N4BP2L2: variants seen among roughly 807,000 people sequenced by gnomAD.
N4BP2L2 encodes NEDD4 binding protein 2 like 2.
N4BP2L2 carries 50 observed loss-of-function variants against 56.2 expected under a neutral mutation model. The observed-to-expected ratio is 0.89, with a 90% CI of 0.71 to 1.13. N4BP2L2 has a LOEUF of 1.13. Among genes scored for constraint, N4BP2L2 ranks in the 50% most tolerant of loss-of-function variants. N4BP2L2 has a pLI of 0.00. For missense variants in N4BP2L2, 689 were observed against 693.8 expected (o/e 0.99, Z 0.08); for synonymous variants, 203 against 223.6 (o/e 0.91, Z 0.82).
chr13:32,535,956 C>T, exon 2 of N4BP2L2: 1 of 1,614,098 alleles, frequency 6.2e-7, no homozygotes, highest in Non-Finnish European at 8.5e-7. Context: ...ACATATCGAT[C>T]TTGCATACTG....
chr13:32,462,028 T>C (rs1445024608), intron 6 of N4BP2L2, among the ~76,000 whole-genome samples: 1 of 152,222 alleles, frequency 6.6e-6, no homozygotes, highest in East Asian at 1.9e-4. Context: ...TTGAAAACCG[T>C]ATAAATATTT....
chr13:32,485,622 G>A (rs1201878000), intron 6 of N4BP2L2, among the ~76,000 whole-genome samples: 1 of 152,090 alleles, frequency 6.6e-6, no homozygotes, highest in Non-Finnish European at 1.5e-5. Flanking sequence ...GGAAAGCAAG[G>A]TTAGTTTAAC....
chr13:32,459,704 G>T (rs753395612), intron 6 of N4BP2L2, among the ~76,000 whole-genome samples: 1 of 152,004 alleles, frequency 6.6e-6, no homozygotes, highest in Non-Finnish European at 1.5e-5. Context: ...AACTTATAAC[G>T]AACATCCTAT....
In N4BP2L2 at chr13:32,443,217, G is replaced by A. The variant is rs767692633; in HGVS notation, c.1275C>T (p.Asp425=). 9 of 1,613,120 alleles carry A rather than the reference G, an allele frequency of 5.6e-6. No homozygotes were observed. The East Asian group carries it at 1.8e-4, about 32-fold the overall frequency. Residue 425 remains aspartate, a synonymous_variant, in exon 7 of 10, where the codon GAC becomes GAT. Coordinates refer to the N4BP2L2 transcript ENST00000357505. ...AATCTTCATTTCCTATCAGTAGTTT[G>A]TCTGTCAATATTTCTGGATTGTTTC...
intron 6 of N4BP2L2, among the ~76,000 whole-genome samples, chr13:32,482,881 C>A (rs931865848): frequency 2.0e-5 from 3 of 152,214 alleles, no homozygotes; most frequent in Admixed American, 6.5e-5. Flanking sequence ...TTTCATATGA[C>A]AATATTACCT....
rs571991192 is a variant in N4BP2L2 at position 32,447,306 on chromosome 13, C to T, written c.366-3180G>A. On this transcript the variant is annotated intron_variant, in intron 6 of 9. Transcript: ENST00000357505. ...GAGCAGGATCTCTCTCCCTAATCTG[C>T]CCTCATGTCAAGACTCCATATGAGC... is the stretch of plus-strand genomic sequence containing the variant. 3.9e-5 allele frequency among the ~76,000 whole-genome samples: 6 copies of T among 152,234 alleles called. No homozygotes were observed. The South Asian group carries it at 1.2e-3, about 32-fold the overall frequency.
In N4BP2L2 at chr13:32,483,383, C is replaced by T. The variant is rs140909265; in HGVS notation, c.365+34474G>A. 4.0e-3 allele frequency among the ~76,000 whole-genome samples: 608 copies of T among 152,296 alleles called. 6 individuals carry two copies. Among genetic ancestry groups the T allele is most frequent in the African/African-American group, 0.014 (580 of 41,562 alleles). On this transcript the variant is annotated intron_variant, in intron 6 of 9. Transcript: ENST00000357505. ...TGATGAACAGAATATTTCTCTTCAA[C>T]CTATTTTAACCTCTATATTCTTATC...
chr13:32,444,194 T>C, intron 6 of N4BP2L2: 1 of 1,181,490 alleles, frequency 8.5e-7, no homozygotes, highest in Non-Finnish European at 1.1e-6. Flanking sequence ...AACTATAACA[T>C]CATACTCTTC....
At chr13:32,437,037 C>T (rs1203120183) in intron 8 of N4BP2L2, among the ~76,000 whole-genome samples, 1 of 151,880 alleles carries the variant, frequency 6.6e-6, no homozygotes, top group Non-Finnish European at 1.5e-5. Context: ...AGTGCCACCA[C>T]ACACGGCTAA....
intron 6 of N4BP2L2, among the ~76,000 whole-genome samples, chr13:32,458,656 A>C (rs1353602641): frequency 1.3e-5 from 2 of 152,210 alleles, no homozygotes; most frequent in Non-Finnish European, 2.9e-5. Context: ...TATTAGATCT[A>C]AAGGGAGAGA....
intron 6 of N4BP2L2, among the ~76,000 whole-genome samples, chr13:32,499,254 A>G (rs2089488600): frequency 6.6e-6 from 1 of 152,182 alleles, no homozygotes; most frequent in South Asian, 2.1e-4. Flanking sequence ...AGTAACCCAC[A>G]GCTACGCATT....
intron 6 of N4BP2L2, among the ~76,000 whole-genome samples, chr13:32,491,207 G>A (rs866056153): frequency 1.3e-5 from 2 of 151,992 alleles, no homozygotes; most frequent in Non-Finnish European, 2.9e-5. Context: ...GACTCTTCCT[G>A]CATGGTTATT....
chr13:32,457,646 T>G (rs1312339027), intron 6 of N4BP2L2, among the ~76,000 whole-genome samples: 1 of 152,148 alleles, frequency 6.6e-6, no homozygotes, highest in Admixed American at 6.5e-5. Flanking sequence ...CCTTCAAAAA[T>G]TAAGGATAAA....
At chr13:32,517,875 G>A (rs2049601002) in exon 6 of N4BP2L2, 1 of 1,614,110 alleles carries the variant, frequency 6.2e-7, no homozygotes, top group Non-Finnish European at 8.5e-7. Flanking sequence ...CCCCTGTGGA[G>A]GAGGAGGTCT....
At chr13:32,527,161 T>C (rs1376921836) in intron 3 of N4BP2L2, 9 of 400,154 alleles carry the variant, frequency 2.2e-5, no homozygotes, top group African/African-American at 4.1e-5. Context: ...TACCAGCTTA[T>C]ACTGATAAAC....
chr13:32,503,384 G>A (rs1301814988), intron 6 of N4BP2L2, among the ~76,000 whole-genome samples: 2 of 151,928 alleles, frequency 1.3e-5, no homozygotes, highest in African/African-American at 4.8e-5. Context: ...AGACCCTAAG[G>A]ATATAAAAAC....
intron 6 of N4BP2L2, among the ~76,000 whole-genome samples, chr13:32,468,334 G>A (rs764317510): frequency 3.9e-5 from 6 of 151,922 alleles, no homozygotes; most frequent in Non-Finnish European, 8.8e-5. Flanking sequence ...TAAGTTGAAG[G>A]AAGAGGTAAT....
exon 2 of N4BP2L2, chr13:32,535,826 T>G: frequency 6.2e-7 from 1 of 1,614,194 alleles, no homozygotes; most frequent in Non-Finnish European, 8.5e-7. Context: ...AAGTAACTTC[T>G]GCAATTTATT....
At chr13:32,432,908 T>C (rs1190231742) in exon 10 of N4BP2L2, 2 of 152,278 alleles carry the variant, frequency 1.3e-5, no homozygotes, top group African/African-American at 2.4e-5. Context: ...GGGTTGGCAC[T>C]GAGCACTCTG....
Sources: gnomAD v4.1 joint callset for allele counts (sites outside exome capture counted in the v4.1 genomes callset) on GRCh38, gnomAD v4.1.1 for gene constraint, MANE v1.5 for transcripts, NCBI Gene and HGNC (gene_info 2026-07-23, HGNC 2026-07-21) for gene names.